Variants in WWOX observed in about 807,000 individuals in gnomAD.
The protein encoded by WWOX is WW domain-containing oxidoreductase.
WWOX carries 69 observed loss-of-function variants against 46.2 expected under a neutral mutation model. That is an observed-to-expected ratio of 1.49 (90% CI 1.23 to 1.82). The LOEUF (loss-of-function observed/expected upper bound fraction) is 1.82. Ranked by LOEUF, WWOX falls within the 40% of genes most tolerant of loss-of-function variation. The probability of loss-of-function intolerance (pLI) is 0.00; values close to 1 mark genes in which losing one functional copy is unlikely to be tolerated. For synonymous variants in WWOX, 359 were observed against 202.6 expected, an observed-to-expected ratio of 1.77 and a Z score of -6.56; for missense variants, 919 against 542.6, an observed-to-expected ratio of 1.69 and a Z score of -6.89.
At chr16:78,764,545 C>T (rs553564962) in intron 8 of WWOX, among the ~76,000 whole-genome samples, 1 of 141,946 alleles carries the variant, frequency 7.0e-6, no homozygotes, top group East Asian at 2.1e-4. Context: ...CTTGTGTTGA[C>T]ATTTCTCCTT....
intron 8 of WWOX, among the ~76,000 whole-genome samples, chr16:78,955,650 T>C (rs1210571183): frequency 1.3e-5 from 2 of 151,908 alleles, no homozygotes; most frequent in African/African-American, 4.8e-5. Context: ...TTAAAATTTA[T>C]TTTTGTTTTT....
At chr16:78,776,937 C>G (rs115851576) in intron 8 of WWOX, among the ~76,000 whole-genome samples, 268 of 152,292 alleles carry the variant, frequency 1.8e-3, no homozygotes, top group African/African-American at 6.2e-3. Context: ...GGGATTACAG[C>G]TTGTATTACA....
chr16:78,910,715 G>C (rs1285753580), intron 8 of WWOX, among the ~76,000 whole-genome samples: 1 of 151,764 alleles, frequency 6.6e-6, no homozygotes, highest in Non-Finnish European at 1.5e-5. Context: ...ACTTGTGCAG[G>C]GGAACTCCCC....
At chr16:79,091,780 T>TG (rs11403359) in intron 8 of WWOX, among the ~76,000 whole-genome samples, 2 of 55,058 alleles carry the variant, frequency 3.6e-5, no homozygotes, top group African/African-American at 2.0e-4. Context: ...CTTTTCTTTG[T>TG]TTTTTTTTTT....
chr16:78,731,266 C>T (rs560440241), intron 8 of WWOX, among the ~76,000 whole-genome samples: 2 of 152,030 alleles, frequency 1.3e-5, no homozygotes, highest in African/African-American at 4.8e-5. Flanking sequence ...AGGTTAGACC[C>T]GAGGTAAGAA....
intron 8 of WWOX, among the ~76,000 whole-genome samples, chr16:78,755,358 A>T (rs1360781980): frequency 6.6e-6 from 1 of 152,192 alleles, no homozygotes; most frequent in Non-Finnish European, 1.5e-5. Flanking sequence ...TGCAGTGGGT[A>T]GCCCAGGACT....
At position 78,763,318 on chromosome 16, in the gene WWOX, C is replaced by G. The variant is rs1410590647; in HGVS notation, c.1056+330566C>G. On this transcript the variant is annotated intron_variant, in intron 8 of 8. Coordinates refer to ENST00000566780, the MANE Select transcript of WWOX (RefSeq NM_016373.4). ...TAATTCAAAATATGTTCCAATTTCC[C>G]ATGTGATTTCTTCTTCGACCCTCAC... Among the ~76,000 whole-genome samples, 10 of 152,334 alleles carry G rather than the reference C, an allele frequency of 6.6e-5. No individual in the cohort carries two copies. In the East Asian group the frequency reaches 1.5e-3, roughly 23 times the overall value.
intron 8 of WWOX, among the ~76,000 whole-genome samples, chr16:79,022,946 C>T (rs111730595): frequency 2.0e-5 from 3 of 152,098 alleles, no homozygotes; most frequent in Admixed American, 6.5e-5. Flanking sequence ...GCTAATAATA[C>T]CTATGGCATA....
intron 8 of WWOX, among the ~76,000 whole-genome samples, chr16:79,036,280 G>C (rs1448859004): frequency 1.3e-5 from 2 of 152,174 alleles, no homozygotes; most frequent in Non-Finnish European, 2.9e-5. Flanking sequence ...ACTCCCACCA[G>C]ATAATGCCCA....
chr16:78,615,499 T>C (rs991532800), intron 8 of WWOX, among the ~76,000 whole-genome samples: 4 of 151,810 alleles, frequency 2.6e-5, no homozygotes, highest in Admixed American at 6.6e-5. Flanking sequence ...AATTTAAAAA[T>C]TAACTGGGTG....
At chr16:78,988,714 G>A (rs1235479652) in intron 8 of WWOX, among the ~76,000 whole-genome samples, 2 of 152,196 alleles carry the variant, frequency 1.3e-5, no homozygotes, top group Non-Finnish European at 2.9e-5. Flanking sequence ...TTTGGGTAGG[G>A]AAATGGGAGA....
At chr16:78,576,027 C>CT (rs879472255) in intron 8 of WWOX, among the ~76,000 whole-genome samples, 19 of 151,864 alleles carry the variant, frequency 1.3e-4, no homozygotes, top group African/African-American at 4.6e-4. Flanking sequence ...ATTTATGAGG[C>CT]TTTTTTTAAT....
At chr16:78,727,751 T>C (rs933535616) in intron 8 of WWOX, among the ~76,000 whole-genome samples, 1 of 152,072 alleles carries the variant, frequency 6.6e-6, no homozygotes, top group African/African-American at 2.4e-5. Flanking sequence ...TTGGACTCCA[T>C]GGGAGAGGTC....
At chr16:78,983,839 G>A (rs141056966) in intron 8 of WWOX, among the ~76,000 whole-genome samples, 208 of 148,838 alleles carry the variant, frequency 1.4e-3, no homozygotes, top group Non-Finnish European at 1.8e-3. Flanking sequence ...GATAGGACTG[G>A]TGAAGCAGTC....
At chr16:78,658,379 AC>A (rs2047129257) in intron 8 of WWOX, among the ~76,000 whole-genome samples, 1 of 152,196 alleles carries the variant, frequency 6.6e-6, no homozygotes, top group Non-Finnish European at 1.5e-5. Context: ...CCATGTAGTC[AC>A]TAATTTAATC....
chr16:78,542,892 C>T (rs1377996377), intron 8 of WWOX, among the ~76,000 whole-genome samples: 2 of 152,176 alleles, frequency 1.3e-5, no homozygotes, highest in Non-Finnish European at 2.9e-5. Context: ...AATGTGATCC[C>T]TGAGGATGTT....
chr16:78,953,398 C>T (rs1254889446), intron 8 of WWOX, among the ~76,000 whole-genome samples: 2 of 152,170 alleles, frequency 1.3e-5, no homozygotes, highest in East Asian at 3.8e-4. Flanking sequence ...TAATTGCAAA[C>T]ACAAAATTCA....
At chr16:79,188,179 G>T (rs1466748557) in intron 8 of WWOX, among the ~76,000 whole-genome samples, 1 of 152,210 alleles carries the variant, frequency 6.6e-6, no homozygotes, top group Non-Finnish European at 1.5e-5. Flanking sequence ...AAACGAAGCA[G>T]AGATGGGAGA....
intron 8 of WWOX, among the ~76,000 whole-genome samples, chr16:78,617,487 C>T (rs1350847483): frequency 6.6e-6 from 1 of 151,930 alleles, no homozygotes; most frequent in East Asian, 1.9e-4. Flanking sequence ...ATTCACAATG[C>T]TCAGTGCAGT....
Sources: gnomAD v4.1 joint callset for allele counts (sites outside exome capture counted in the v4.1 genomes callset) on GRCh38, gnomAD v4.1.1 for gene constraint, MANE v1.5 for transcripts, NCBI Gene and HGNC (gene_info 2026-07-23, HGNC 2026-07-21) for gene names.